Variants in DIP2C observed in about 807,000 individuals in gnomAD.
DIP2C encodes the protein disco-interacting protein 2 homolog C.
DIP2C carries 33 observed loss-of-function variants against 192.4 expected under a neutral mutation model. The observed-to-expected ratio is 0.17, with a 90% CI of 0.13 to 0.23. The LOEUF (loss-of-function observed/expected upper bound fraction) is 0.23. Ranked by LOEUF, DIP2C falls within the 10% of genes least tolerant of loss-of-function variation. The pLI, the probability that DIP2C is intolerant of heterozygous loss-of-function variation, is 1.00. For missense variants in DIP2C, 1,537 were observed against 2,110.1 expected (o/e 0.73, Z 5.32); for synonymous variants, 979 against 864.1 (o/e 1.13, Z -2.33).
chr10:345,396 T>C (rs1015531939), intron 26 of DIP2C, among the ~76,000 whole-genome samples: 3 of 151,916 alleles, frequency 2.0e-5, no homozygotes, highest in African/African-American at 7.3e-5. Flanking sequence ...GCTCACACCA[T>C]TAGATCTGTT....
At chr10:342,916 A>C (rs897281460) in intron 28 of DIP2C, among the ~76,000 whole-genome samples, 17 of 152,240 alleles carry the variant, frequency 1.1e-4, no homozygotes, top group African/African-American at 2.9e-4. Flanking sequence ...ATTTTCTCAC[A>C]GAAGCTTTCT....
At chr10:393,861 C>T (rs1352872237) in intron 10 of DIP2C, among the ~76,000 whole-genome samples, 1 of 146,642 alleles carries the variant, frequency 6.8e-6, no homozygotes, top group Non-Finnish European at 1.5e-5. Flanking sequence ...GGAGACATCA[C>T]CTCACATTTC....
intron 1 of DIP2C, among the ~76,000 whole-genome samples, chr10:494,724 G>T (rs1844691221): frequency 6.6e-6 from 1 of 152,212 alleles, no homozygotes; most frequent in Non-Finnish European, 1.5e-5. Flanking sequence ...AAGGGGATCA[G>T]AAACGTAAAT....
At chr10:485,139 G>A (rs1244501153) in intron 2 of DIP2C, among the ~76,000 whole-genome samples, 5 of 152,232 alleles carry the variant, frequency 3.3e-5, no homozygotes, top group South Asian at 2.1e-4. Context: ...CTGGAGAACC[G>A]TCCTGGCAAG....
At chr10:682,420 C>A (rs1041028254) in intron 1 of DIP2C, among the ~76,000 whole-genome samples, 4 of 152,160 alleles carry the variant, frequency 2.6e-5, no homozygotes, top group Non-Finnish European at 4.4e-5. Flanking sequence ...TGAGGCTCTG[C>A]CTTAAATCCT....
chr10:473,104 A>G (rs1970765680), intron 2 of DIP2C, among the ~76,000 whole-genome samples: 1 of 152,230 alleles, frequency 6.6e-6, no homozygotes, highest in Non-Finnish European at 1.5e-5. Flanking sequence ...GTTTTAACAG[A>G]TTATGTTCGA....
chr10:391,533 G>A (rs778048087), intron 10 of DIP2C, among the ~76,000 whole-genome samples: 14 of 152,350 alleles, frequency 9.2e-5, no homozygotes, highest in East Asian at 3.9e-4. Flanking sequence ...TACGCCAGTC[G>A]TCACTCCTGT....
At chr10:590,773 A>T (rs2131636046) in intron 1 of DIP2C, among the ~76,000 whole-genome samples, 1 of 152,304 alleles carries the variant, frequency 6.6e-6, no homozygotes, top group South Asian at 2.1e-4. Flanking sequence ...TTGAAACTCA[A>T]ATATCTTACA....
chr10:635,294 A>G (rs1426462059), intron 1 of DIP2C, among the ~76,000 whole-genome samples: 1 of 152,228 alleles, frequency 6.6e-6, no homozygotes, highest in Non-Finnish European at 1.5e-5. Context: ...TTTCCTGCAC[A>G]CTGAAGTCCA....
At chr10:671,710 C>A (rs1480909775) in intron 1 of DIP2C, among the ~76,000 whole-genome samples, 1 of 110,964 alleles carries the variant, frequency 9.0e-6, no homozygotes, top group African/African-American at 3.7e-5. Flanking sequence ...GACGCACGGA[C>A]GGAGGAAACG....
At chr10:317,849 T>G (rs1035228133) in intron 31 of DIP2C, among the ~76,000 whole-genome samples, 2 of 152,232 alleles carry the variant, frequency 1.3e-5, no homozygotes, top group African/African-American at 4.8e-5. Context: ...AAAACACTGG[T>G]AGAATTCGAA....
intron 3 of DIP2C, among the ~76,000 whole-genome samples, chr10:451,343 G>A (rs1456710333): frequency 6.6e-6 from 1 of 152,086 alleles, no homozygotes; most frequent in Non-Finnish European, 1.5e-5. Context: ...GGATTTACTC[G>A]GCCACCAAAA....
intron 32 of DIP2C, among the ~76,000 whole-genome samples, chr10:300,359 G>A (rs1955965284): frequency 6.6e-6 from 1 of 152,144 alleles, no homozygotes; most frequent in African/African-American, 2.4e-5. Flanking sequence ...TCAACCTTGA[G>A]GACATTATGC....
chr10:542,838 C>G (rs1234171270), intron 1 of DIP2C, among the ~76,000 whole-genome samples: 3 of 150,956 alleles, frequency 2.0e-5, no homozygotes, highest in Non-Finnish European at 4.4e-5. Context: ...TGACCCTCCC[C>G]CCTTCTCTAT....
At chr10:592,379 G>T (rs952172731) in intron 1 of DIP2C, among the ~76,000 whole-genome samples, 30 of 152,254 alleles carry the variant, frequency 2.0e-4, no homozygotes, top group African/African-American at 6.5e-4. Context: ...AAAAATGAAG[G>T]CTGAATAGAC....
intron 2 of DIP2C, among the ~76,000 whole-genome samples, chr10:486,014 A>G (rs1027394426): frequency 6.6e-6 from 1 of 152,226 alleles, no homozygotes; most frequent in African/African-American, 2.4e-5. Flanking sequence ...GTTTGCAACC[A>G]CATCTCAACA....
intron 1 of DIP2C, among the ~76,000 whole-genome samples, chr10:614,978 G>C (rs1031659529): frequency 2.0e-5 from 3 of 152,244 alleles, no homozygotes; most frequent in Non-Finnish European, 4.4e-5. Context: ...ACACCCAGCT[G>C]GACAGGCCAC....
Position 666,603 on chromosome 10 carries a change from TC to T in DIP2C, c.85+22890del, listed in dbSNP as rs1857112287. On this transcript the variant is annotated intron_variant, in intron 1 of 36. Coordinates refer to ENST00000280886, the MANE Select transcript of DIP2C (RefSeq NM_014974.3). This position sits in a 1 kb window ranked among gnomAD's most constrained non-coding sequence, Gnocchi z 4.1. ...AGCCACGAGGTCGGCCCGTGGCCTG[TC>T]TGCCCGTGGCCTGTCTGCCCGTGGC... The T allele has an allele frequency of 7.9e-4, 1 of 1,268 alleles. No homozygotes were observed. Among genetic ancestry groups the T allele is most frequent in the Non-Finnish European group, 5.7e-3 (1 of 174 alleles). The allele number at this position is 1,268 out of a possible 1,614,324, so 0.1% of individuals were successfully genotyped here.
At position 349,280 on chromosome 10, in the gene DIP2C, G is replaced by T; in HGVS notation, c.3109+51C>A. On this transcript the variant is annotated intron_variant, in intron 25 of 36. Coordinates refer to ENST00000280886, the MANE Select transcript of DIP2C (RefSeq NM_014974.3). Reference sequence around the variant, plus strand: ...CGGGTGTAAGGGACCTCCTCGCACCGCGGCTGACCGGCTTGCCATCTCTCA... The same window carrying T: ...CGGGTGTAAGGGACCTCCTCGCACCTCGGCTGACCGGCTTGCCATCTCTCA... The T allele has an allele frequency of 4.4e-6, 7 of 1,579,316 alleles. 1 individual carries two copies. The highest frequency in any genetic ancestry group is 6.0e-6 in the Non-Finnish European group (7 of 1,163,304).
Sources: allele counts gnomAD v4.1 joint callset (sites outside exome capture counted in the v4.1 genomes callset), GRCh38; gene constraint gnomAD v4.1.1; non-coding constraint Gnocchi (gnomAD v3.1); transcripts MANE v1.5; gene names NCBI Gene and HGNC (gene_info 2026-07-23, HGNC 2026-07-21).